The following PRDM1 variants were observed in gnomAD, a reference collection of about 807,000 sequenced individuals.
PRDM1 encodes PR/SET domain 1, also known as PR domain zinc finger protein 1.
PRDM1 carries 13 observed loss-of-function variants against 62.8 expected under a neutral mutation model. The observed-to-expected ratio is 0.21, with a 90% CI of 0.13 to 0.33. The LOEUF (loss-of-function observed/expected upper bound fraction) is 0.33. PRDM1 is among the 10% of genes least tolerant of loss of function. The pLI is 1.00. For synonymous variants in PRDM1, 396 were observed against 417.6 expected (o/e 0.95, Z 0.63); for missense variants, 895 against 1,058.8 (o/e 0.85, Z 2.15).
intron 1 of PRDM1, chr6:106,078,280 C>G (rs1042715353): frequency 6.6e-6 from 1 of 152,104 alleles, no homozygotes; most frequent in Non-Finnish European, 1.5e-5. Flanking sequence ...AATTTTCAGT[C>G]CAAAATAAGC....
intron 1 of PRDM1, among the ~76,000 whole-genome samples, chr6:106,040,810 T>C (rs1312094388): frequency 6.6e-6 from 1 of 152,238 alleles, no homozygotes; most frequent in Non-Finnish European, 1.5e-5. Flanking sequence ...GATAGAAATA[T>C]ATAGTGTTTT....
chr6:106,067,934 C>T (rs1230073898), intron 1 of PRDM1, among the ~76,000 whole-genome samples: 1 of 152,120 alleles, frequency 6.6e-6, no homozygotes, highest in Non-Finnish European at 1.5e-5. Flanking sequence ...AGAATATCTT[C>T]AGCAACAACT....
rs138359347 is a variant in PRDM1 at position 106,088,377 on chromosome 6, C to T, written c.219C>T (p.Gly73=). The T allele has an allele frequency of 3.7e-5, 60 of 1,613,966 alleles. No homozygotes were observed. The highest frequency in any genetic ancestry group is 4.8e-5 in the Non-Finnish European group (57 of 1,179,988). ...NDHPWDSGAD[G]GTSVQAEASL... is the part of the protein sequence containing the mutation. ...ACCCCTGGGATTCTGGTGCTGATGG[C>T]GGTACTTCGGTTCAGGCGGAGGCAT... The change falls in exon 2 of 7, where the codon GGC becomes GGT. Residue 73 remains glycine (G), a synonymous_variant. Transcript: ENST00000369096.
Position 106,105,667 on chromosome 6 carries a change from G to A in PRDM1, c.1507G>A (p.Ala503Thr), listed in dbSNP as rs770232245. ...HSAFSFTGAA[A>T]SMKDKACSPT... ...TGCCTTCTCCTTTACCGGGGCCGCCGCCAGCATGAAGGACAAGGCCTGTAG... is the reference window on the plus strand; with the variant it reads ...TGCCTTCTCCTTTACCGGGGCCGCCACCAGCATGAAGGACAAGGCCTGTAG... Residue 503 changes from alanine (A) to threonine (T), a missense_variant, in exon 5 of 7, where the codon GCC becomes ACC. Ala to Thr is a moderately conservative substitution (Grantham distance 58). Coordinates refer to ENST00000369096, the MANE Select transcript of PRDM1 (RefSeq NM_001198.4). 2 of 1,612,134 alleles carry A rather than the reference G, an allele frequency of 1.2e-6. No individual in the cohort carries two copies. Among genetic ancestry groups the A allele is most frequent in the East Asian group, 2.2e-5 (1 of 44,792 alleles).
chr6:106,103,629 G>GT (rs1021722802), intron 4 of PRDM1, among the ~76,000 whole-genome samples: 1 of 152,180 alleles, frequency 6.6e-6, no homozygotes, highest in African/African-American at 2.4e-5. Flanking sequence ...CCAGATGGGT[G>GT]TTTTTTCCTG....
chr6:106,092,212 G>A (rs1250030037), intron 2 of PRDM1, among the ~76,000 whole-genome samples: 2 of 151,226 alleles, frequency 1.3e-5, no homozygotes, highest in African/African-American at 4.9e-5. Flanking sequence ...ATCCTAAGCT[G>A]TCAAATCTCC....
intron 1 of PRDM1, among the ~76,000 whole-genome samples, chr6:106,011,124 G>T (rs1772540484): frequency 6.6e-6 from 1 of 152,102 alleles, no homozygotes; most frequent in African/African-American, 2.4e-5. Context: ...TCTTGGGGTA[G>T]TTTTCTTCTA....
At chr6:106,038,394 T>C (rs144799065) in intron 1 of PRDM1, among the ~76,000 whole-genome samples, 1 of 152,208 alleles carries the variant, frequency 6.6e-6, no homozygotes, top group Non-Finnish European at 1.5e-5. Context: ...TTTCTGAGCC[T>C]GTACATTTCA....
intron 3 of PRDM1, 81 bp downstream of exon 3, chr6:106,095,815 A>C: frequency 4.1e-5 from 61 of 1,487,556 alleles, no homozygotes; most frequent in Non-Finnish European, 4.9e-5. Context: ...CACCTTTCTC[A>C]TCCTGTGCTG....
At chr6:106,071,045 T>A (rs1268206512) in intron 1 of PRDM1, among the ~76,000 whole-genome samples, 1 of 152,192 alleles carries the variant, frequency 6.6e-6, no homozygotes, top group Non-Finnish European at 1.5e-5. Context: ...CCAAGGCAGA[T>A]GGATCATTTG....
intron 1 of PRDM1, among the ~76,000 whole-genome samples, chr6:106,021,567 A>G (rs1772695720): frequency 6.6e-6 from 1 of 152,256 alleles, no homozygotes; most frequent in Admixed American, 6.5e-5. Flanking sequence ...CAATGCAGTT[A>G]ATTGAGAAGC....
At chr6:106,024,704 CT>C (rs1176399700) in intron 1 of PRDM1, among the ~76,000 whole-genome samples, 2 of 152,116 alleles carry the variant, frequency 1.3e-5, no homozygotes, top group Admixed American at 1.3e-4. Context: ...AACAAAGGCA[CT>C]GGTTTTTCTG....
intron 1 of PRDM1, among the ~76,000 whole-genome samples, chr6:106,028,508 A>G (rs114155423): frequency 9.3e-4 from 141 of 152,356 alleles, no homozygotes; most frequent in African/African-American, 3.3e-3. Flanking sequence ...GTAATGGAAT[A>G]CTAAAACATG....
intron 1 of PRDM1, 29 bp downstream of exon 1, chr6:106,086,624 T>C (rs1773815052): frequency 6.6e-7 from 1 of 1,521,416 alleles, no homozygotes; most frequent in East Asian, 2.4e-5. Flanking sequence ...TTTTTTTTAA[T>C]TCTGAAATTG....
chr6:106,033,321 T>G (rs1018164106), intron 1 of PRDM1, among the ~76,000 whole-genome samples: 4 of 151,504 alleles, frequency 2.6e-5, no homozygotes, highest in East Asian at 1.9e-4. Flanking sequence ...ATATTAGTTT[T>G]TTTTTTTTTT....
At chr6:106,070,051 G>T (rs1225061901) in intron 1 of PRDM1, among the ~76,000 whole-genome samples, 1 of 152,058 alleles carries the variant, frequency 6.6e-6, no homozygotes, top group Admixed American at 6.5e-5. Context: ...TGTCATTTGT[G>T]TCTGTTGCAT....
At chr6:105,998,919 ATATATATATATATATTTTTTTTT>A (rs1396470506) in intron 1 of PRDM1, among the ~76,000 whole-genome samples, 9 of 4,792 alleles carry the variant, frequency 1.9e-3, no homozygotes, top group African/African-American at 3.4e-3. Flanking sequence ...ATATATATAT[ATATATATATATATATTTTTTTTT>A]TTTTTTTTCT....
chr6:106,014,087 G>A (rs1339702974), intron 1 of PRDM1, among the ~76,000 whole-genome samples: 9 of 117,164 alleles, frequency 7.7e-5, no homozygotes, highest in South Asian at 2.8e-4. Context: ...TTTTTGAGAC[G>A]GGGTCTCTGT....
intron 1 of PRDM1, among the ~76,000 whole-genome samples, chr6:106,087,188 A>C (rs1035583801): frequency 1.3e-5 from 2 of 152,196 alleles, no homozygotes; most frequent in African/African-American, 4.8e-5. Context: ...GCCTTTGGAA[A>C]ACAGTTTTTT....
Sources: allele counts gnomAD v4.1 joint callset (sites outside exome capture counted in the v4.1 genomes callset), GRCh38; gene constraint gnomAD v4.1.1; transcripts MANE v1.5; gene names NCBI Gene and HGNC (gene_info 2026-07-23, HGNC 2026-07-21).